The following SDCCAG8 variants were observed in gnomAD, a reference collection of about 807,000 sequenced individuals.
SDCCAG8 encodes the protein serologically defined colon cancer antigen 8.
A neutral mutation model predicts 101.8 loss-of-function variants in SDCCAG8; 74 were observed. The observed-to-expected ratio is 0.73, with a 90% CI of 0.60 to 0.88. The LOEUF (loss-of-function observed/expected upper bound fraction) is 0.88, where lower values mean the gene tolerates loss of function less well. SDCCAG8 is among the 40% of genes least tolerant of loss of function. The probability of loss-of-function intolerance (pLI) is 0.00; values close to 1 mark genes in which losing one functional copy is unlikely to be tolerated. For missense variants in SDCCAG8, 787 were observed against 822.6 expected, an observed-to-expected ratio of 0.96 and a Z score of 0.53; for synonymous variants, 281 against 292.9, an observed-to-expected ratio of 0.96 and a Z score of 0.41.
intron 12 of SDCCAG8, among the ~76,000 whole-genome samples, chr1:243,356,420 C>G (rs200078593): frequency 0.037 from 4,716 of 128,236 alleles, 254 homozygotes; most frequent in Middle Eastern, 0.17. Context: ...AAAGTAGTGG[C>G]GGGGGGGTGG....
At chr1:243,477,106 G>T (rs1341843332) in intron 16 of SDCCAG8, among the ~76,000 whole-genome samples, 1 of 152,094 alleles carries the variant, frequency 6.6e-6, no homozygotes, top group Admixed American at 6.5e-5. Flanking sequence ...TGAATAAAGG[G>T]TATGTTGGTA....
At chr1:243,498,119 G>C (rs1668492570) in intron 17 of SDCCAG8, among the ~76,000 whole-genome samples, 1 of 152,238 alleles carries the variant, frequency 6.6e-6, no homozygotes, top group African/African-American at 2.4e-5. Flanking sequence ...CCAATCCATG[G>C]AGCAGGGGTG....
intron 13 of SDCCAG8, among the ~76,000 whole-genome samples, chr1:243,409,212 G>A (rs1214265625): frequency 1.3e-5 from 2 of 152,108 alleles, no homozygotes; most frequent in East Asian, 3.9e-4. Flanking sequence ...TACTTTCTGT[G>A]TATTCCAAGT....
chr1:243,442,234 G>A (rs2082586670), intron 16 of SDCCAG8, among the ~76,000 whole-genome samples: 1 of 152,090 alleles, frequency 6.6e-6, no homozygotes, highest in African/African-American at 2.4e-5. Flanking sequence ...GTAGAAGGGT[G>A]GCAATTTGCA....
intron 16 of SDCCAG8, among the ~76,000 whole-genome samples, chr1:243,483,626 C>T (rs1361160193): frequency 1.3e-5 from 2 of 152,246 alleles, no homozygotes; most frequent in South Asian, 2.1e-4. Context: ...TCTCTTCCAG[C>T]CCCTGAAATC....
chr1:243,457,363 A>T (rs1245319659), intron 16 of SDCCAG8, among the ~76,000 whole-genome samples: 1 of 152,214 alleles, frequency 6.6e-6, no homozygotes, highest in East Asian at 1.9e-4. Context: ...GATCCAAAGC[A>T]TCATTCTTTC....
intron 13 of SDCCAG8, among the ~76,000 whole-genome samples, chr1:243,380,351 C>T (rs187929448): frequency 1.3e-5 from 2 of 152,242 alleles, no homozygotes; most frequent in East Asian, 3.9e-4. Context: ...TCTTTTCTGT[C>T]AGACTTCTAT....
intron 12 of SDCCAG8, among the ~76,000 whole-genome samples, chr1:243,377,914 A>G (rs969650463): frequency 6.7e-6 from 1 of 148,440 alleles, no homozygotes. Flanking sequence ...CAGATGTTCT[A>G]TTGATAAATA....
chr1:243,438,846 A>C (rs2082332558), intron 16 of SDCCAG8, among the ~76,000 whole-genome samples: 1 of 152,006 alleles, frequency 6.6e-6, no homozygotes, highest in Admixed American at 6.5e-5. Flanking sequence ...GTTTATTGAC[A>C]TTTTCACCAG....
rs116583002 is a variant in SDCCAG8 at position 243,401,437 on chromosome 1, G to A, written c.1617-14265G>A. Among the ~76,000 whole-genome samples the A allele has an allele frequency of 2.5e-3, 375 of 152,248 alleles. 1 individual carries two copies. Among genetic ancestry groups the A allele is most frequent in the Middle Eastern group, 6.8e-3 (2 of 294 alleles). On this transcript the variant is annotated intron_variant, in intron 13 of 17. Coordinates refer to ENST00000366541, the MANE Select transcript of SDCCAG8 (RefSeq NM_006642.5). ...CTCTTGATGAACTTTGAAACTAGTC[G>A]TTTCTTACTAGAAACAAGTAATGAA...
intron 1 of SDCCAG8, among the ~76,000 whole-genome samples, chr1:243,261,666 G>A (rs926915224): frequency 5.3e-5 from 8 of 152,058 alleles, no homozygotes; most frequent in Non-Finnish European, 2.9e-5. Context: ...ACTCAAATAA[G>A]TATTCCTGTT....
At position 243,447,859 on chromosome 1, in the gene SDCCAG8, G is replaced by C. The variant is rs145167684; in HGVS notation, c.1985+21301G>C. ...AGGGTAAGGGGATATGGTGTGAAGA[G>C]CTACAAACTTCCCTGTGGGGTGGTT... On this transcript the variant is annotated intron_variant, in intron 16 of 17. Coordinates refer to ENST00000366541, the MANE Select transcript of SDCCAG8 (RefSeq NM_006642.5). 2.5e-3 allele frequency among the ~76,000 whole-genome samples: 379 copies of C among 152,276 alleles called. 1 individual carries two copies. The highest frequency in any genetic ancestry group is 0.02 in the Middle Eastern group (6 of 294).
At chr1:243,319,353 CCTTT>C (rs1170896947) in intron 9 of SDCCAG8, among the ~76,000 whole-genome samples, 7 of 151,984 alleles carry the variant, frequency 4.6e-5, no homozygotes, top group Non-Finnish European at 8.8e-5. Flanking sequence ...TCTCTTTGAC[CCTTT>C]CTATTTTATT....
intron 8 of SDCCAG8, among the ~76,000 whole-genome samples, chr1:243,314,005 A>G: frequency 6.6e-6 from 1 of 152,216 alleles, no homozygotes; most frequent in Non-Finnish European, 1.5e-5. Context: ...CTGCCAGCCC[A>G]GAGCTCTTTC....
Position 243,497,369 on chromosome 1 carries a change from G to T in SDCCAG8, c.2113-2387G>T, listed in dbSNP as rs1158387231. Among the ~76,000 whole-genome samples the T allele has an allele frequency of 3.4e-5, 5 of 148,280 alleles. No individual in the cohort carries two copies. The Admixed American group carries it at 3.4e-4, about 10-fold the overall frequency. ...GGGGGCGTTGAGCAGTGAACGGTAA[G>T]TTCAACAGTGTGAAAGTGGGGATGG... On this transcript the variant is annotated intron_variant, in intron 17 of 17. Transcript: ENST00000366541.
intron 5 of SDCCAG8, among the ~76,000 whole-genome samples, chr1:243,292,700 T>C (rs1188772263): frequency 6.6e-6 from 1 of 152,204 alleles, no homozygotes; most frequent in Non-Finnish European, 1.5e-5. Flanking sequence ...AAACAGGGTC[T>C]GGAACATAGA....
chr1:243,357,025 T>G (rs1265314579), intron 12 of SDCCAG8, among the ~76,000 whole-genome samples: 1 of 150,588 alleles, frequency 6.6e-6, no homozygotes, highest in Non-Finnish European at 1.5e-5. Context: ...TAATAATAAC[T>G]TTATGTACTT....
Position 243,499,864 on chromosome 1 carries a change from C to A in SDCCAG8, c.*79C>A, listed in dbSNP as rs369079480. 1 of 1,380,760 alleles carries A rather than the reference C, an allele frequency of 7.2e-7. No individual in the cohort carries two copies. The highest frequency in any genetic ancestry group is 1.0e-6 in the Non-Finnish European group (1 of 978,566). The allele number at this position is 1,380,760 out of a possible 1,614,324, so 85.5% of individuals were successfully genotyped here. On this transcript the variant is annotated 3_prime_UTR_variant, in exon 18 of 18. Coordinates refer to ENST00000366541, the MANE Select transcript of SDCCAG8 (RefSeq NM_006642.5). ...CTGGTTTAGACTTAATATGCCACAA[C>A]GCACCACGACCTTCCCAGGGTGACA... is the stretch of plus-strand genomic sequence containing the variant.
At chr1:243,358,843 G>T (rs1296717823) in intron 12 of SDCCAG8, among the ~76,000 whole-genome samples, 1 of 152,130 alleles carries the variant, frequency 6.6e-6, no homozygotes, top group Non-Finnish European at 1.5e-5. Context: ...CATGTTAGAT[G>T]AAAGAAGCCA....
Sources: allele counts gnomAD v4.1 joint callset (sites outside exome capture counted in the v4.1 genomes callset), GRCh38; gene constraint gnomAD v4.1.1; transcripts MANE v1.5; gene names NCBI Gene and HGNC (gene_info 2026-07-23, HGNC 2026-07-21).